The following RBFOX1 variants were observed in gnomAD, a reference collection of about 807,000 sequenced individuals.
The protein encoded by RBFOX1 is RNA binding fox-1 homolog 1.
In RBFOX1, 8 loss-of-function variants were observed where a neutral mutation model predicts 57.7. That is an observed-to-expected ratio of 0.14 (90% CI 0.08 to 0.25). RBFOX1 has a LOEUF of 0.25. Ranked by LOEUF, RBFOX1 falls within the 10% of genes least tolerant of loss-of-function variation. The pLI, the probability that RBFOX1 is intolerant of heterozygous loss-of-function variation, is 1.00. For synonymous variants in RBFOX1, 326 were observed against 222.4 expected, an observed-to-expected ratio of 1.47 and a Z score of -4.15; for missense variants, 611 against 548.5, an observed-to-expected ratio of 1.11 and a Z score of -1.14.
intron 3 of RBFOX1, among the ~76,000 whole-genome samples, chr16:6,755,594 T>A (rs2075663912): frequency 6.6e-6 from 1 of 152,362 alleles, no homozygotes; most frequent in Non-Finnish European, 1.5e-5. Context: ...TTGTGTTGTT[T>A]CAGTGTTTTA....
chr16:6,068,772 T>C (rs2152478597), intron 1 of RBFOX1, among the ~76,000 whole-genome samples: 1 of 152,298 alleles, frequency 6.6e-6, no homozygotes, highest in Middle Eastern at 3.4e-3. Context: ...AGAAGCTGTA[T>C]AAGCTCTGGA....
At chr16:5,393,152 C>A (rs2066459812) in intron 1 of RBFOX1, among the ~76,000 whole-genome samples, 1 of 152,122 alleles carries the variant, frequency 6.6e-6, no homozygotes, top group South Asian at 2.1e-4. Flanking sequence ...CTTGTTCTGT[C>A]CCTGCCCCCT....
chr16:5,598,843 A>AT (rs1567278999), intron 2 of RBFOX1: 2 of 1,343,478 alleles, frequency 1.5e-6, no homozygotes, highest in African/African-American at 1.5e-5. Flanking sequence ...CAAGGTTAGA[A>AT]TTTTTTTCCT....
chr16:7,153,665 G>A (rs901634833), intron 4 of RBFOX1, among the ~76,000 whole-genome samples: 8 of 149,532 alleles, frequency 5.4e-5, no homozygotes, highest in Admixed American at 1.3e-4. Context: ...CAGGAGAATC[G>A]CTGGAACCCT....
At chr16:6,910,491 G>A (rs183944483) in intron 3 of RBFOX1, among the ~76,000 whole-genome samples, 94 of 152,306 alleles carry the variant, frequency 6.2e-4, no homozygotes, top group African/African-American at 2.1e-3. Flanking sequence ...CCCCACTTGT[G>A]TTAATCACTC....
chr16:6,456,748 C>T lies in RBFOX1; in HGVS notation c.-64+139691C>T, dbSNP rs74769852. ...AAGACAACTGAATGGATCCGTGAGA[C>T]ACAGAGCAAGATAAACTATTTAACT... On this transcript the variant is annotated intron_variant, in intron 2 of 15. Transcript: ENST00000550418. Among the ~76,000 whole-genome samples, 223 of 152,082 alleles carry T rather than the reference C, an allele frequency of 1.5e-3. 1 individual carries two copies. Among genetic ancestry groups the T allele is most frequent in the African/African-American group, 5.2e-3 (217 of 41,496 alleles).
chr16:6,552,303 G>A (rs1416744944), intron 2 of RBFOX1, among the ~76,000 whole-genome samples: 1 of 152,126 alleles, frequency 6.6e-6, no homozygotes, highest in Non-Finnish European at 1.5e-5. Flanking sequence ...ACTAATATCA[G>A]GAAACCAATC....
chr16:6,694,808 C>T (rs893148668), intron 3 of RBFOX1, among the ~76,000 whole-genome samples: 1 of 152,160 alleles, frequency 6.6e-6, no homozygotes, highest in Non-Finnish European at 1.5e-5. Flanking sequence ...GCATCAGTCA[C>T]TGTGACGGAA....
At chr16:7,512,246 C>T (rs977652867) in intron 4 of RBFOX1, among the ~76,000 whole-genome samples, 1 of 152,168 alleles carries the variant, frequency 6.6e-6, no homozygotes, top group Non-Finnish European at 1.5e-5. Context: ...AACCCAGGAG[C>T]CTGTTCGCGT....
chr16:7,452,071 T>C (rs890565389), intron 4 of RBFOX1, among the ~76,000 whole-genome samples: 1 of 152,212 alleles, frequency 6.6e-6, no homozygotes, highest in Non-Finnish European at 1.5e-5. Flanking sequence ...AGCAATTGGA[T>C]ACTAAGGAAT....
chr16:5,454,935 CTTCCTTCCT>C lies in RBFOX1; in HGVS notation c.220-12279_220-12271del, dbSNP rs1567535633. On this transcript the variant is annotated intron_variant, in intron 1 of 2. Coordinates refer to the RBFOX1 transcript ENST00000585867. ...CTTTCCTTTGTTTCTTTCTTCCTTC[CTTCCTTCCT>C]TCCTTCCTTCCTTCCTTTCTTTCTT... 1.1e-3 allele frequency among the ~76,000 whole-genome samples: 46 copies of C among 40,176 alleles called. No homozygotes were observed. The East Asian group carries it at 0.022, about 19-fold the overall frequency. 26.4% of individuals were successfully genotyped at this position (40,176 alleles called of 152,430 possible).
intron 4 of RBFOX1, among the ~76,000 whole-genome samples, chr16:7,482,377 C>G (rs973239315): frequency 6.6e-6 from 1 of 152,090 alleles, no homozygotes; most frequent in Admixed American, 6.6e-5. Flanking sequence ...TCAGTCCGCA[C>G]AGCTGACAGT....
rs111667900 is a variant in RBFOX1 at position 6,058,325 on chromosome 16, C to T, written c.-127+38333C>T. ...CCCTCCTCTTCTTCCTCCCTCCTCT[C>T]CTTCCTCCCTCCTCTCCTTCCTCCC... On this transcript the variant is annotated intron_variant, in intron 1 of 15. Coordinates refer to ENST00000550418, the MANE Select transcript of RBFOX1 (RefSeq NM_018723.4). Among the ~76,000 whole-genome samples the T allele has an allele frequency of 1.8e-4, 28 of 151,476 alleles. No homozygotes were observed. In the East Asian group the frequency reaches 5.0e-3, roughly 27 times the overall value.
Position 5,501,318 on chromosome 16 carries a change from C to CAAAAAAAAAAAAAAAAAAA in RBFOX1, c.258+34069_258+34087dup, listed in dbSNP as rs1160788118. Among the ~76,000 whole-genome samples the CAAAAAAAAAAAAAAAAAAA allele has an allele frequency of 2.9e-4, 19 of 64,882 alleles. 1 individual carries two copies. The highest frequency in any genetic ancestry group is 1.1e-3 in the East Asian group (2 of 1,800). 42.6% of individuals were successfully genotyped at this position (64,882 alleles called of 152,430 possible). A position where few individuals can be genotyped will look rare whatever the true frequency, so the allele number is the denominator to read the frequency against. ...GGATGACAAAACGAGACTCTGTCTA[C>CAAAAAAAAAAAAAAAAAAA]AAAAAAAAAAAAAAAAAAAAAAAGA... On this transcript the variant is annotated intron_variant, in intron 2 of 2. Transcript: ENST00000585867.
chr16:5,895,147 C>T (rs998204747), intron 4 of RBFOX1, among the ~76,000 whole-genome samples: 1 of 152,210 alleles, frequency 6.6e-6, no homozygotes, highest in African/African-American at 2.4e-5. Context: ...ATGTCTTCAA[C>T]CATAAGATTG....
At chr16:7,426,861 A>C (rs544533221) in intron 4 of RBFOX1, among the ~76,000 whole-genome samples, 1 of 152,170 alleles carries the variant, frequency 6.6e-6, no homozygotes, top group Non-Finnish European at 1.5e-5. Flanking sequence ...ATGAGGGTGC[A>C]TCAGCATTCC....
chr16:5,453,115 T>C (rs757934131), intron 1 of RBFOX1, among the ~76,000 whole-genome samples: 3 of 152,152 alleles, frequency 2.0e-5, no homozygotes, highest in Non-Finnish European at 4.4e-5. Flanking sequence ...GATCAGTCAG[T>C]CAGTCTATCC....
intron 3 of RBFOX1, among the ~76,000 whole-genome samples, chr16:7,007,622 T>G (rs1287237956): frequency 6.6e-6 from 1 of 152,194 alleles, no homozygotes; most frequent in Non-Finnish European, 1.5e-5. Flanking sequence ...TAGTCATTCT[T>G]TCAATGTAAA....
At chr16:7,568,881 TCAAAAAAAAA>T (rs2092444159) in intron 5 of RBFOX1, among the ~76,000 whole-genome samples, 1 of 30,642 alleles carries the variant, frequency 3.3e-5, no homozygotes. Flanking sequence ...AGACTCTGTC[TCAAAAAAAAA>T]AAAAAAAAAA....
Sources: allele counts gnomAD v4.1 joint callset (sites outside exome capture counted in the v4.1 genomes callset), GRCh38; gene constraint gnomAD v4.1.1; transcripts MANE v1.5; gene names NCBI Gene and HGNC (gene_info 2026-07-23, HGNC 2026-07-21).